NCLN: variants seen among roughly 807,000 people sequenced by gnomAD.
NCLN encodes the protein nicalin, also known as BOS complex subunit NCLN.
Under a neutral mutation model 69.5 loss-of-function variants are expected in NCLN, and 34 were observed. The ratio of observed to expected loss-of-function variants is 0.49; its 90% CI spans 0.37 to 0.65. The LOEUF (loss-of-function observed/expected upper bound fraction) is 0.65. Among genes scored for constraint, NCLN ranks in the 30% least tolerant of loss-of-function variants. The pLI is 0.00. For missense variants in NCLN, 710 were observed against 804.8 expected (o/e 0.88, Z 1.42); for synonymous variants, 393 against 358.3 (o/e 1.10, Z -1.09).
At position 3,186,105 on chromosome 19, in the gene NCLN, C is replaced by T. The variant is rs773955997; in HGVS notation, c.75C>T (p.Phe25=). The change falls in exon 1 of 15, where the codon TTC becomes TTT. Residue 25 remains phenylalanine, a synonymous_variant. Transcript: ENST00000246117. ...GTCTGCCGCTCGGCTTCATCGTCTT[C>T]CTGCCCGCTGTGCTGCTGCTGGTGG... is the stretch of plus-strand genomic sequence containing the variant. The part of the protein sequence containing the change: ...ASCLPLGFIV[F]LPAVLLLVAP... The T allele has an allele frequency of 4.4e-6, 7 of 1,599,640 alleles. No homozygotes were observed. In the East Asian group the frequency reaches 7.0e-5, roughly 16 times the overall value.
At chr19:3,197,025 G>C (rs1196914167) in intron 4 of NCLN, among the ~76,000 whole-genome samples, 2 of 152,240 alleles carry the variant, frequency 1.3e-5, no homozygotes, top group Non-Finnish European at 2.9e-5. Context: ...GGTGGGGAAA[G>C]TGTCCTGGAG....
In NCLN at chr19:3,186,162, C is replaced by G; in HGVS notation, c.132C>G (p.His44Gln). The G allele has an allele frequency of 6.3e-7, 1 of 1,596,328 alleles. No homozygotes were observed. Among genetic ancestry groups the G allele is most frequent in the Non-Finnish European group, 8.5e-7 (1 of 1,173,758 alleles). The change falls in exon 1 of 15, where the codon CAC becomes CAG. Residue 44 changes from histidine (H) to glutamine (Q), a missense_variant. By Grantham distance (24) the His-to-Gln change is conservative (BLOSUM62 0). Coordinates refer to ENST00000246117, the MANE Select transcript of NCLN (RefSeq NM_020170.4). ...CGCTGCCTGCCGCCGACGCCGCGCACGAGTTCACCGTGTACCGCATGCAGC... is the reference window on the plus strand; with the variant it reads ...CGCTGCCTGCCGCCGACGCCGCGCAGGAGTTCACCGTGTACCGCATGCAGC... ...APPLPAADAAHEFTVYRMQQY... is the reference protein window; with the variant it reads ...APPLPAADAAQEFTVYRMQQY...
chr19:3,196,492 G>A (rs1915959663), intron 4 of NCLN, among the ~76,000 whole-genome samples: 1 of 152,066 alleles, frequency 6.6e-6, no homozygotes. Flanking sequence ...GGAGTGCCCA[G>A]GCCCCTGCCA....
At chr19:3,201,299 G>T (rs578258889) in intron 5 of NCLN, among the ~76,000 whole-genome samples, 2 of 152,196 alleles carry the variant, frequency 1.3e-5, no homozygotes, top group Non-Finnish European at 2.9e-5. Context: ...GCCATCAGTC[G>T]GGGATTGAAT....
intron 1 of NCLN, among the ~76,000 whole-genome samples, chr19:3,186,586 C>T (rs371495071): frequency 3.9e-5 from 6 of 152,204 alleles, no homozygotes; most frequent in African/African-American, 1.4e-4. Flanking sequence ...CCCCCTCCGC[C>T]CCTTAGGCTT....
chr19:3,196,909 G>T (rs757293417), intron 4 of NCLN, among the ~76,000 whole-genome samples: 1 of 152,242 alleles, frequency 6.6e-6, no homozygotes, highest in Non-Finnish European at 1.5e-5. Context: ...CACAGATGAG[G>T]GGTTGCCTCA....
At chr19:3,191,240 TGAGA>T (rs911778900) in intron 1 of NCLN, among the ~76,000 whole-genome samples, 13 of 151,874 alleles carry the variant, frequency 8.6e-5, no homozygotes, top group Non-Finnish European at 2.9e-5. Context: ...GACGTTTTGC[TGAGA>T]GAGGAGGGAA....
rs1264927297 is a variant in NCLN, at chr19:3,203,940, CAGAG to C, written c.890-64_890-61del. 7 of 1,556,402 alleles carry C rather than the reference CAGAG, an allele frequency of 4.5e-6. No individual in the cohort carries two copies. The African/African-American group carries it at 9.6e-5, about 21-fold the overall frequency. On this transcript the variant is annotated intron_variant, in intron 7 of 14. Coordinates refer to ENST00000246117, the MANE Select transcript of NCLN (RefSeq NM_020170.4). ...TTGCCATGGGGGCAGCCAGGAGGCACAGAGGGAGGGCCGGGGGCCACTTCCTGGT... is the reference window on the plus strand; with the variant it reads ...TTGCCATGGGGGCAGCCAGGAGGCACGGAGGGCCGGGGGCCACTTCCTGGT...
chr19:3,199,738 T>G (rs1356004995), intron 5 of NCLN, among the ~76,000 whole-genome samples: 6 of 140,902 alleles, frequency 4.3e-5, no homozygotes, highest in Admixed American at 1.5e-4. Context: ...TCTTGCTCTG[T>G]CCCCCAGGCT....
chr19:3,189,199 G>A (rs748629296), intron 1 of NCLN, among the ~76,000 whole-genome samples: 7 of 152,278 alleles, frequency 4.6e-5, no homozygotes, highest in African/African-American at 1.2e-4. Flanking sequence ...AGGCTTTCTC[G>A]GCTCGGTGGC....
chr19:3,209,476 A>G lies in NCLN; in HGVS notation c.*1788A>G, dbSNP rs763756290. On this transcript the variant is annotated 3_prime_UTR_variant, in exon 15 of 15. Coordinates refer to ENST00000246117, the MANE Select transcript of NCLN (RefSeq NM_020170.4). ...GAGCTTCCTTCCTTCCTTCCTGGAC[A>G]GGTCGTCATGATGGATGCACTGACT... 2 of 152,242 alleles carry G rather than the reference A, an allele frequency of 1.3e-5. No individual in the cohort carries two copies. The highest frequency in any genetic ancestry group is 2.9e-5 in the Non-Finnish European group (2 of 68,068). 9.4% of individuals were successfully genotyped at this position (152,242 alleles called of 1,614,324 possible). A position where few individuals can be genotyped will look rare whatever the true frequency, so the allele number is the denominator to read the frequency against.
chr19:3,195,508 C>T (rs543841619), intron 3 of NCLN, among the ~76,000 whole-genome samples: 18 of 152,286 alleles, frequency 1.2e-4, no homozygotes, highest in Admixed American at 8.5e-4. Context: ...CTCGGCCTCC[C>T]AAAGTGCTGG....
chr19:3,196,004 GA>G (rs1275029696), intron 3 of NCLN, among the ~76,000 whole-genome samples, 178 bp from the exon 4 acceptor site: 1 of 152,206 alleles, frequency 6.6e-6, no homozygotes, highest in African/African-American at 2.4e-5. Flanking sequence ...ATAATTTCGA[GA>G]GAAGGTTGTC....
At chr19:3,198,794 A>C (rs556303500) in intron 4 of NCLN, 23 bp from the exon 5 acceptor site, 2 of 1,568,172 alleles carry the variant, frequency 1.3e-6, no homozygotes, top group South Asian at 2.3e-5. Flanking sequence ...CAGCCAGGCC[A>C]TTCCCCTGCT....
At chr19:3,204,238 C>T in intron 8 of NCLN, 94 bp downstream of exon 8, 1 of 1,387,122 alleles carries the variant, frequency 7.2e-7, no homozygotes, top group East Asian at 2.6e-5. Context: ...TCCTTGCTGT[C>T]CGCCCCTCAG....
chr19:3,196,407 G>A (rs1349702631), intron 4 of NCLN, 130 bp downstream of exon 4: 10 of 659,404 alleles, frequency 1.5e-5, no homozygotes, highest in Non-Finnish European at 2.5e-5. Context: ...CCCCCTGCCT[G>A]GCTGAAAACC....
intron 1 of NCLN, among the ~76,000 whole-genome samples, chr19:3,187,066 A>C (rs1915688464): frequency 6.6e-6 from 1 of 151,972 alleles, no homozygotes; most frequent in Non-Finnish European, 1.5e-5. Flanking sequence ...CCTTTGATGC[A>C]TACCCACGCC....
At position 3,192,600 on chromosome 19, in the gene NCLN, G is replaced by A. The variant is rs575513378; in HGVS notation, c.315G>A (p.Ala105=). 5.2e-5 allele frequency: 84 copies of A among 1,604,110 alleles called. No individual in the cohort carries two copies. Among genetic ancestry groups the A allele is most frequent in the African/African-American group, 2.1e-4 (16 of 74,630 alleles). ...ACCAGAAGGCCCTGCGGCAGTCGGC[G>A]GGCGCCGTGGTCATCATCCTGCCCA... ...EQYQKALRQS[A]GAVVIILPRA... is the part of the protein sequence containing the mutation. Residue 105 remains alanine, a synonymous_variant, in exon 2 of 15, where the codon GCG becomes GCA. Coordinates refer to ENST00000246117, the MANE Select transcript of NCLN (RefSeq NM_020170.4).
intron 5 of NCLN, among the ~76,000 whole-genome samples, chr19:3,199,890 C>T (rs1200999730): frequency 2.0e-5 from 3 of 151,186 alleles, no homozygotes; most frequent in East Asian, 1.9e-4. Flanking sequence ...TTAGTAGAGA[C>T]GGGGTTTCAC....
Sources: gnomAD v4.1 joint callset for allele counts (sites outside exome capture counted in the v4.1 genomes callset) on GRCh38, gnomAD v4.1.1 for gene constraint, MANE v1.5 for transcripts, NCBI Gene and HGNC (gene_info 2026-07-23, HGNC 2026-07-21) for gene names.